SLC9B2: variants seen among roughly 807,000 people sequenced by gnomAD.
SLC9B2 encodes the protein solute carrier family 9 member B2.
Under a neutral mutation model 52.2 loss-of-function variants are expected in SLC9B2, and 39 were observed. The observed-to-expected ratio is 0.75, with a 90% confidence interval of 0.58 to 0.98. The LOEUF is 0.98. SLC9B2 is among the 50% of genes least tolerant of loss of function. SLC9B2 has a pLI of 0.00. For synonymous variants in SLC9B2, 214 were observed against 227.0 expected, an observed-to-expected ratio of 0.94 and a Z score of 0.51; for missense variants, 626 against 637.5, an observed-to-expected ratio of 0.98 and a Z score of 0.19.
At position 103,064,040 on chromosome 4, in the gene SLC9B2, T is replaced by C. The variant is rs145652371; in HGVS notation, c.271+2287A>G. Among the ~76,000 whole-genome samples, 592 of 152,302 alleles carry C rather than the reference T, an allele frequency of 3.9e-3. 1 individual carries two copies. Among genetic ancestry groups the C allele is most frequent in the Non-Finnish European group, 4.6e-3 (315 of 68,018 alleles). ...AGAGAAAAGGTAACTCTGTGCACTA[T>C]TGGTGGGAATGTAAATTAATACCAC... On this transcript the variant is annotated intron_variant, in intron 3 of 11. Transcript: ENST00000394785.
chr4:103,035,864 G>T (rs1251623255), intron 9 of SLC9B2, among the ~76,000 whole-genome samples: 1 of 152,082 alleles, frequency 6.6e-6, no homozygotes, highest in East Asian at 1.9e-4. Context: ...CAAAGACACG[G>T]AATCAACCTA....
chr4:103,054,521 A>G (rs1055204301), intron 4 of SLC9B2, among the ~76,000 whole-genome samples: 1 of 152,220 alleles, frequency 6.6e-6, no homozygotes. Flanking sequence ...GGGCCAATGA[A>G]TATCTTAGGC....
intron 3 of SLC9B2, among the ~76,000 whole-genome samples, chr4:103,065,016 A>T (rs1745986591): frequency 6.6e-6 from 1 of 152,072 alleles, no homozygotes. Flanking sequence ...TGAGCTTAGG[A>T]GTTCAAGACA....
intron 7 of SLC9B2, 47 bp downstream of exon 7, chr4:103,047,004 G>T (rs764951414): frequency 1.1e-5 from 18 of 1,571,870 alleles, no homozygotes; most frequent in Non-Finnish European, 1.6e-5. Context: ...TTTAACCTAC[G>T]TCCCTAGAAT....
Position 103,026,125 on chromosome 4 carries a change from G to T in SLC9B2, c.*245C>A. On this transcript the variant is annotated 3_prime_UTR_variant, in exon 12 of 12. Transcript: ENST00000394785. ...TGTGGTAGTACATTAAAGTAGATAT[G>T]TCCTTATGCAAATTAAGATGGATGA... 2.6e-6 allele frequency: 1 copy of T among 386,836 alleles called. No homozygotes were observed. The allele number at this position is 386,836 out of a possible 1,614,324, so 24.0% of individuals were successfully genotyped here.
rs557022391 is a variant in SLC9B2, at chr4:103,024,195, C to G, written c.*2175G>C. On this transcript the variant is annotated 3_prime_UTR_variant, in exon 12 of 12. Transcript: ENST00000394785. ...ACTGTTAAATCCTTAAGGACAGGGA[C>G]AATATTATTCTTGATGATGTGCCTG... 1.3e-5 allele frequency among the ~76,000 whole-genome samples: 2 copies of G among 152,256 alleles called. No homozygotes were observed. The highest frequency in any genetic ancestry group is 3.9e-4 in the East Asian group (2 of 5,190).
intron 9 of SLC9B2, among the ~76,000 whole-genome samples, chr4:103,033,253 C>G (rs1386978786): frequency 6.6e-6 from 1 of 151,858 alleles, no homozygotes; most frequent in African/African-American, 2.4e-5. Context: ...AAACATTGGC[C>G]AATCAATAAA....
chr4:103,029,720 T>C (rs1014808552), intron 10 of SLC9B2, among the ~76,000 whole-genome samples: 1 of 152,192 alleles, frequency 6.6e-6, no homozygotes, highest in Admixed American at 6.6e-5. Context: ...AGGTGACTCC[T>C]GAGTATTAGG....
chr4:103,075,295 G>A (rs1179353605), intron 1 of SLC9B2, among the ~76,000 whole-genome samples: 2 of 152,110 alleles, frequency 1.3e-5, no homozygotes, highest in African/African-American at 2.4e-5. Context: ...AATTACGGGC[G>A]TGCACCACCA....
In SLC9B2 at chr4:103,031,733, C is replaced by A. The variant is rs147292021; in HGVS notation, c.1222G>T (p.Val408Leu). The A allele has an allele frequency of 1.3e-5, 21 of 1,612,598 alleles. No homozygotes were observed. In the African/African-American group the frequency reaches 2.1e-4, roughly 16 times the overall value. The change falls in exon 10 of 12, where the codon GTA becomes TTA. Residue 408 changes from valine to leucine, a missense_variant. By Grantham distance (32) the Val-to-Leu change is conservative (BLOSUM62 1). Coordinates refer to ENST00000394785, the MANE Select transcript of SLC9B2 (RefSeq NM_178833.7). ...PLLFGLIGAE[V>L]SIASLRPETV... ...TCTGGTCTGAGAGATGCAATAGATA[C>A]CTCTGCTCCAATTAGTCCAAAAAGA...
At chr4:103,056,089 C>G (rs1212764113) in intron 4 of SLC9B2, among the ~76,000 whole-genome samples, 1 of 152,036 alleles carries the variant, frequency 6.6e-6, no homozygotes, top group Admixed American at 6.5e-5. Context: ...CAGGCGTGAG[C>G]CACCGCACCT....
At chr4:103,050,466 T>A (rs987721965) in intron 4 of SLC9B2, 84 bp from the exon 5 acceptor site, 9 of 1,246,356 alleles carry the variant, frequency 7.2e-6, no homozygotes, top group Middle Eastern at 2.0e-4. Context: ...CAGACTACTA[T>A]ATAATCCCAG....
chr4:103,067,387 T>G, intron 2 of SLC9B2, 74 bp downstream of exon 2: 1 of 1,374,536 alleles, frequency 7.3e-7, no homozygotes. Flanking sequence ...ATTGTGTAAG[T>G]TTGGGGATAG....
rs868769426 is a variant in SLC9B2, at chr4:103,057,267, T to C, written c.442+534A>G. On this transcript the variant is annotated intron_variant, in intron 4 of 11. Coordinates refer to ENST00000394785, the MANE Select transcript of SLC9B2 (RefSeq NM_178833.7). ...AAGTATATATATATATATATATATA[T>C]ATATATACACACACACACACACATA... Among the ~76,000 whole-genome samples the C allele has an allele frequency of 6.6e-3, 712 of 107,216 alleles. 5 individuals carry two copies. Among genetic ancestry groups the C allele is most frequent in the South Asian group, 0.02 (69 of 3,410 alleles). The allele number at this position is 107,216 out of a possible 152,430, so 70.3% of individuals were successfully genotyped here.
intron 4 of SLC9B2, among the ~76,000 whole-genome samples, chr4:103,054,136 A>T (rs1744920541): frequency 6.6e-6 from 1 of 152,044 alleles, no homozygotes; most frequent in African/African-American, 2.4e-5. Flanking sequence ...AGGTGTAGGG[A>T]CATGTGCCTG....
intron 4 of SLC9B2, among the ~76,000 whole-genome samples, chr4:103,056,423 T>C (rs892120591): frequency 2.0e-5 from 3 of 152,044 alleles, no homozygotes; most frequent in Non-Finnish European, 4.4e-5. Context: ...AATTTTTTTA[T>C]TTTTAGTAGA....
intron 2 of SLC9B2, among the ~76,000 whole-genome samples, chr4:103,067,105 G>A (rs993047865): frequency 6.6e-6 from 1 of 151,922 alleles, no homozygotes; most frequent in African/African-American, 2.4e-5. Flanking sequence ...ATAATACTGG[G>A]TTTTAAAATA....
intron 8 of SLC9B2, among the ~76,000 whole-genome samples, chr4:103,043,857 G>C (rs557761370): frequency 3.7e-4 from 57 of 152,182 alleles, no homozygotes; most frequent in Non-Finnish European, 6.6e-4. Context: ...GGGTTTGTGT[G>C]AAGGTTAAAT....
intron 9 of SLC9B2, among the ~76,000 whole-genome samples, chr4:103,041,700 A>G (rs1434222722): frequency 6.6e-6 from 1 of 152,206 alleles, no homozygotes; most frequent in Admixed American, 6.5e-5. Flanking sequence ...TTAAATACAC[A>G]TGGTAAGTGT....
Sources: gnomAD v4.1 joint callset for allele counts (sites outside exome capture counted in the v4.1 genomes callset) on GRCh38, gnomAD v4.1.1 for gene constraint, MANE v1.5 for transcripts, NCBI Gene and HGNC (gene_info 2026-07-23, HGNC 2026-07-21) for gene names.